Variants in SPAG16 observed in about 807,000 individuals in gnomAD.
The protein encoded by SPAG16 is sperm-associated antigen 16 protein.
SPAG16 carries 86 observed loss-of-function variants against 80.4 expected under a neutral mutation model. That is an observed-to-expected ratio of 1.07 (90% CI 0.90 to 1.28). The LOEUF (loss-of-function observed/expected upper bound fraction) is 1.28. Among genes scored for constraint, SPAG16 ranks in the 50% most tolerant of loss-of-function variants. SPAG16 has a pLI of 0.00. For missense variants in SPAG16, 870 were observed against 765.3 expected (o/e 1.14, Z -1.61); for synonymous variants, 294 against 265.9 (o/e 1.11, Z -1.03).
chr2:213,348,653 A>T (rs1217310958), intron 6 of SPAG16, among the ~76,000 whole-genome samples: 1 of 152,108 alleles, frequency 6.6e-6, no homozygotes, highest in African/African-American at 2.4e-5. Context: ...GTTTGGCTGG[A>T]TATGAAATTC....
At chr2:214,041,978 G>GTATATATA (rs1158447338) in intron 13 of SPAG16, among the ~76,000 whole-genome samples, 612 of 116,288 alleles carry the variant, frequency 5.3e-3, no homozygotes, top group African/African-American at 8.5e-3. Flanking sequence ...GTCTGTGTGT[G>GTATATATA]TATATATATA....
intron 15 of SPAG16, among the ~76,000 whole-genome samples, chr2:214,175,861 T>C (rs892883083): frequency 1.1e-4 from 17 of 151,434 alleles, no homozygotes; most frequent in Non-Finnish European, 8.9e-5. Flanking sequence ...GTAGTTAAGT[T>C]TCTTTATGTA....
intron 13 of SPAG16, among the ~76,000 whole-genome samples, chr2:214,030,146 G>A (rs2048338583): frequency 6.6e-6 from 1 of 152,060 alleles, no homozygotes; most frequent in Admixed American, 6.6e-5. Flanking sequence ...CCCTTCCGCA[G>A]GTCCTAGCAA....
chr2:213,442,046 G>C (rs567247119), intron 9 of SPAG16, among the ~76,000 whole-genome samples: 1 of 152,326 alleles, frequency 6.6e-6, no homozygotes, highest in East Asian at 1.9e-4. Context: ...TACTCGGGAG[G>C]TTGAGGCAGG....
chr2:213,688,864 C>G lies in SPAG16; in HGVS notation c.1071-173621C>G, dbSNP rs114277203. Among the ~76,000 whole-genome samples, 480 of 152,276 alleles carry G rather than the reference C, an allele frequency of 3.2e-3. 2 individuals are homozygous for G. Among genetic ancestry groups the G allele is most frequent in the African/African-American group, 0.011 (447 of 41,568 alleles). The stretch of plus-strand genomic sequence containing the variant: ...TTATATTAATAATTCTATCACCAGA[C>G]ATTTTATTTGATCCTTTTTAACTTC... On this transcript the variant is annotated intron_variant, in intron 10 of 15. Coordinates refer to ENST00000331683, the MANE Select transcript of SPAG16 (RefSeq NM_024532.5).
intron 12 of SPAG16, among the ~76,000 whole-genome samples, chr2:213,962,148 T>C (rs77063096): frequency 0.012 from 1,888 of 152,104 alleles, 35 homozygotes; most frequent in African/African-American, 0.043. Context: ...TAATTATGGT[T>C]AAATAAGGGT....
At chr2:214,375,046 T>C (rs1237855758) in intron 15 of SPAG16, among the ~76,000 whole-genome samples, 1 of 152,142 alleles carries the variant, frequency 6.6e-6, no homozygotes, top group Non-Finnish European at 1.5e-5. Flanking sequence ...AAGTTTGAAT[T>C]TGGGTCTTGA....
chr2:213,929,864 T>G (rs1356882605), intron 11 of SPAG16, 96 bp from the exon 12 acceptor site: 1 of 1,035,810 alleles, frequency 9.7e-7, no homozygotes, highest in African/African-American at 1.6e-5. Flanking sequence ...ATAAATCAGA[T>G]ACATACACAT....
intron 9 of SPAG16, among the ~76,000 whole-genome samples, chr2:213,423,518 G>A (rs1484497612): frequency 6.6e-6 from 1 of 152,136 alleles, no homozygotes; most frequent in Non-Finnish European, 1.5e-5. Context: ...GATTCTCTGT[G>A]CCTTAGTGTC....
intron 15 of SPAG16, among the ~76,000 whole-genome samples, chr2:214,375,543 TACAC>T (rs988141276): frequency 1.3e-5 from 2 of 152,036 alleles, no homozygotes; most frequent in African/African-American, 2.4e-5. Context: ...AACACACAAA[TACAC>T]ACACACAAAC....
chr2:213,878,151 T>G (rs1006490828), intron 11 of SPAG16, among the ~76,000 whole-genome samples: 3 of 152,164 alleles, frequency 2.0e-5, no homozygotes, highest in Non-Finnish European at 4.4e-5. Flanking sequence ...TCTTACTAGT[T>G]TATATTATTG....
chr2:213,403,230 G>T (rs574489333), intron 9 of SPAG16, among the ~76,000 whole-genome samples: 1 of 152,264 alleles, frequency 6.6e-6, no homozygotes, highest in Admixed American at 6.5e-5. Context: ...GTCTTCTTTT[G>T]AGAAGTGTCT....
Position 214,340,330 on chromosome 2 carries a change from C to T in SPAG16, c.1721-69810C>T, listed in dbSNP as rs141666164. 1.5e-3 allele frequency among the ~76,000 whole-genome samples: 235 copies of T among 152,312 alleles called. 1 individual carries two copies. The highest frequency in any genetic ancestry group is 4.0e-3 in the African/African-American group (168 of 41,564). ...TAACATACCCTTTCACCTGCCCCAG[C>T]GTTATCCATTTTTGCATCAGGAGCT... On this transcript the variant is annotated intron_variant, in intron 15 of 15. Transcript: ENST00000331683.
intron 10 of SPAG16, among the ~76,000 whole-genome samples, chr2:213,601,793 A>G (rs958222789): frequency 1.3e-5 from 2 of 152,210 alleles, no homozygotes; most frequent in Non-Finnish European, 2.9e-5. Flanking sequence ...GTAACATGCT[A>G]TACAGGTTTG....
chr2:213,375,078 G>A lies in SPAG16; in HGVS notation c.901G>A (p.Glu301Lys), dbSNP rs1321213394. ...PTQKGLREAR[E>K]QNKCKTKMKG... The stretch of plus-strand genomic sequence containing the variant: ...TCAGAAAGGTCTTCGTGAAGCCAGG[G>A]AACAAAACAAATGTAAAACAAAGAT... Residue 301 changes from glutamate (E) to lysine (K), a missense_variant, in exon 9 of 16, where the codon GAA (glutamate) becomes AAA (lysine). Physicochemically the swap from Glu to Lys is moderately conservative, Grantham distance 56 (BLOSUM62 1). Transcript: ENST00000331683. The A allele has an allele frequency of 3.7e-6, 6 of 1,608,820 alleles. No homozygotes were observed. The highest frequency in any genetic ancestry group is 5.1e-6 in the Non-Finnish European group (6 of 1,178,166).
intron 13 of SPAG16, among the ~76,000 whole-genome samples, chr2:214,043,693 A>G (rs989661540): frequency 1.3e-5 from 2 of 152,208 alleles, no homozygotes; most frequent in Non-Finnish European, 2.9e-5. Context: ...CTTACGATTC[A>G]GTCACCTGAA....
chr2:213,566,454 GA>G (rs989668320), intron 10 of SPAG16, among the ~76,000 whole-genome samples: 36 of 151,712 alleles, frequency 2.4e-4, no homozygotes, highest in African/African-American at 8.5e-4. Flanking sequence ...CTTCATTTAA[GA>G]AAAAAATACA....
At chr2:213,425,280 A>G (rs2069840166) in intron 9 of SPAG16, among the ~76,000 whole-genome samples, 1 of 152,134 alleles carries the variant, frequency 6.6e-6, no homozygotes, top group Non-Finnish European at 1.5e-5. Context: ...AGATCACACC[A>G]CTGCACTCCA....
chr2:214,396,337 G>T (rs1701379577), intron 15 of SPAG16, among the ~76,000 whole-genome samples: 1 of 151,532 alleles, frequency 6.6e-6, no homozygotes, highest in African/African-American at 2.4e-5. Context: ...ATTTTGCTCT[G>T]CAGTTGCTAA....
Sources: allele counts gnomAD v4.1 joint callset (sites outside exome capture counted in the v4.1 genomes callset), GRCh38; gene constraint gnomAD v4.1.1; transcripts MANE v1.5; gene names NCBI Gene and HGNC (gene_info 2026-07-23, HGNC 2026-07-21).